The following GARNL3 variants were observed in gnomAD, a reference collection of about 807,000 sequenced individuals.
GARNL3 encodes GTPase activating Rap/RanGAP domain like 3, also known as GTPase-activating Rap/Ran-GAP domain-like protein 3.
Under a neutral mutation model 125.0 loss-of-function variants are expected in GARNL3, and 63 were observed. That is an observed-to-expected ratio of 0.50 (90% CI 0.41 to 0.62). The LOEUF (loss-of-function observed/expected upper bound fraction) is 0.62, where lower values mean the gene tolerates loss of function less well. GARNL3 is among the 20% of genes least tolerant of loss of function. GARNL3 has a pLI of 0.00. For missense variants in GARNL3, 994 were observed against 1,244.0 expected, an observed-to-expected ratio of 0.80 and a Z score of 3.02; for synonymous variants, 439 against 457.5, an observed-to-expected ratio of 0.96 and a Z score of 0.52.
At chr9:127,283,087 T>C (rs1477625582) in intron 1 of GARNL3, among the ~76,000 whole-genome samples, 1 of 152,192 alleles carries the variant, frequency 6.6e-6, no homozygotes, top group Non-Finnish European at 1.5e-5. Flanking sequence ...TTGCTGAGAT[T>C]AGACCAAGGC....
chr9:127,227,068 T>G (rs1444435750), intron 1 of GARNL3, among the ~76,000 whole-genome samples: 1 of 152,204 alleles, frequency 6.6e-6, no homozygotes, highest in African/African-American at 2.4e-5. Flanking sequence ...ACATTTTATT[T>G]AGCTTTAATT....
At chr9:127,238,215 C>T (rs1442850274) in intron 1 of GARNL3, among the ~76,000 whole-genome samples, 3 of 152,300 alleles carry the variant, frequency 2.0e-5, no homozygotes, top group South Asian at 2.1e-4. Context: ...TCTCGAACTC[C>T]TGACCTCGTG....
intron 1 of GARNL3, 45 bp downstream of exon 1, chr9:127,265,066 T>A: frequency 6.6e-7 from 1 of 1,520,186 alleles, no homozygotes. Context: ...TGATTTAGAT[T>A]TAGAGACGAT....
intron 1 of GARNL3, among the ~76,000 whole-genome samples, chr9:127,270,260 C>T (rs951250560): frequency 2.0e-5 from 3 of 152,186 alleles, no homozygotes; most frequent in Admixed American, 6.5e-5. Flanking sequence ...TTCTGGGCTT[C>T]CCTTCTGTCT....
intron 1 of GARNL3, among the ~76,000 whole-genome samples, chr9:127,232,802 T>C (rs769222199): frequency 1.6e-4 from 25 of 152,350 alleles, no homozygotes; most frequent in Non-Finnish European, 2.4e-4. Flanking sequence ...GTAGTCTTCA[T>C]CTTCTGGGTT....
At chr9:127,317,506 C>T (rs935354787) in intron 4 of GARNL3, among the ~76,000 whole-genome samples, 8 of 152,098 alleles carry the variant, frequency 5.3e-5, no homozygotes, top group Non-Finnish European at 1.0e-4. Flanking sequence ...AGGCAGATCA[C>T]TTGAGGTCAG....
rs1354718638 is a variant in GARNL3, at chr9:127,365,371, G to A, written c.2161+5G>A. The A allele has an allele frequency of 6.2e-7, 1 of 1,604,340 alleles. No individual in the cohort carries two copies. Among genetic ancestry groups the A allele is most frequent in the Non-Finnish European group, 8.5e-7 (1 of 1,171,274 alleles). ...GTTTGCTGTTGTGTTACAACTGTAA[G>A]TTAAGGATGTGCTTTTATCTTTATT... On this transcript the variant is annotated splice_donor_5th_base_variant and intron_variant, in intron 22 of 27. Transcript: ENST00000373387.
intron 2 of GARNL3, among the ~76,000 whole-genome samples, chr9:127,250,725 G>A (rs1043330641): frequency 6.6e-6 from 1 of 152,124 alleles, no homozygotes; most frequent in Admixed American, 6.5e-5. Context: ...AAGGGAGAGG[G>A]ATGTGGATCT....
At chr9:127,387,684 A>G (rs1042530543) in intron 25 of GARNL3, among the ~76,000 whole-genome samples, 1 of 150,536 alleles carries the variant, frequency 6.6e-6, no homozygotes, top group Admixed American at 6.7e-5. Context: ...TGGATGTTGC[A>G]GTGAGCCGAG....
chr9:127,338,320 A>T (rs1829666100), intron 12 of GARNL3, among the ~76,000 whole-genome samples, 159 bp downstream of exon 12: 1 of 152,208 alleles, frequency 6.6e-6, no homozygotes, highest in Non-Finnish European at 1.5e-5. Flanking sequence ...CTCTTCAGGA[A>T]ACATTTACTC....
Position 127,391,533 on chromosome 9 carries a change from A to AATAT in GARNL3, c.2870+782_2870+785dup, listed in dbSNP as rs1554741684. 9.2e-5 allele frequency among the ~76,000 whole-genome samples: 7 copies of AATAT among 75,862 alleles called. 1 individual carries two copies. Among genetic ancestry groups the AATAT allele is most frequent in the South Asian group, 7.0e-4 (1 of 1,422 alleles). The allele number at this position is 75,862 out of a possible 152,430, so 49.8% of individuals were successfully genotyped here. ...GCAAGACCCATCTCTACAAAAAAAA[A>AATAT]ATATATATATATATATATAGGCTGG... On this transcript the variant is annotated intron_variant, in intron 27 of 27. Coordinates refer to ENST00000373387, the MANE Select transcript of GARNL3 (RefSeq NM_032293.5).
rs1169168184 is a variant in GARNL3, at chr9:127,389,921, TAAAAAAAAAA to T, written c.2744-703_2744-694del. ...GGGTGACAGAGTGACACCCTGTCTTTAAAAAAAAAAAAAAAAAAAAAAAAAAGATGAGAGG... is the reference window on the plus strand; with the variant it reads ...GGGTGACAGAGTGACACCCTGTCTTTAAAAAAAAAAAAAAAAGATGAGAGG... On this transcript the variant is annotated intron_variant, in intron 26 of 27. Transcript: ENST00000373387. 5.1e-5 allele frequency among the ~76,000 whole-genome samples: 4 copies of T among 78,686 alleles called. No individual in the cohort carries two copies. The East Asian group carries it at 1.3e-3, about 25-fold the overall frequency. 51.6% of individuals were successfully genotyped at this position (78,686 alleles called of 152,430 possible).
chr9:127,272,382 C>T (rs2063843498), intron 1 of GARNL3, among the ~76,000 whole-genome samples: 1 of 149,950 alleles, frequency 6.7e-6, no homozygotes, highest in Non-Finnish European at 1.5e-5. Flanking sequence ...CCCTCAGGAA[C>T]ATCAAAACAT....
At chr9:127,329,497 G>C (rs947339903) in intron 7 of GARNL3, among the ~76,000 whole-genome samples, 1 of 152,066 alleles carries the variant, frequency 6.6e-6, no homozygotes, top group African/African-American at 2.4e-5. Context: ...AACTTGTGAT[G>C]AAGACTTGAC....
chr9:127,325,224 T>C, intron 7 of GARNL3, 129 bp downstream of exon 7: 1 of 848,230 alleles, frequency 1.2e-6, no homozygotes, highest in Non-Finnish European at 1.9e-6. Context: ...GTGGGACACA[T>C]TGCGCGGAAA....
At chr9:127,387,756 A>G (rs890010731) in intron 25 of GARNL3, among the ~76,000 whole-genome samples, 6 of 151,806 alleles carry the variant, frequency 4.0e-5, no homozygotes, top group Admixed American at 3.3e-4. Flanking sequence ...AAAAAAAAAA[A>G]AAAAGAAAGA....
At chr9:127,337,520 G>GTGGAA (rs1463812621) in intron 11 of GARNL3, among the ~76,000 whole-genome samples, 1 of 152,156 alleles carries the variant, frequency 6.6e-6, no homozygotes, top group Non-Finnish European at 1.5e-5. Flanking sequence ...GTGGGTGGAG[G>GTGGAA]TGGAAGGGGA....
At chr9:127,329,964 G>A (rs1829129726) in intron 7 of GARNL3, among the ~76,000 whole-genome samples, 1 of 152,160 alleles carries the variant, frequency 6.6e-6, no homozygotes, top group African/African-American at 2.4e-5. Context: ...ACCTGATCCT[G>A]GGCCTCCTGA....
chr9:127,277,979 G>C (rs761954041), intron 1 of GARNL3, among the ~76,000 whole-genome samples: 2 of 152,176 alleles, frequency 1.3e-5, no homozygotes, highest in Non-Finnish European at 2.9e-5. Flanking sequence ...ACTTGGCTCA[G>C]TGCCAGACAT....
Sources: gnomAD v4.1 joint callset for allele counts (sites outside exome capture counted in the v4.1 genomes callset) on GRCh38, gnomAD v4.1.1 for gene constraint, MANE v1.5 for transcripts, NCBI Gene and HGNC (gene_info 2026-07-23, HGNC 2026-07-21) for gene names.